Variants in CDK19 observed in about 807,000 individuals in gnomAD.
CDK19 encodes cyclin-dependent kinase 19.
A neutral mutation model predicts 68.3 loss-of-function variants in CDK19; 20 were observed. That is an observed-to-expected ratio of 0.29 (90% CI 0.21 to 0.43). The LOEUF (loss-of-function observed/expected upper bound fraction) is 0.43. Ranked by LOEUF, CDK19 falls within the 20% of genes least tolerant of loss-of-function variation. The pLI, the probability that CDK19 is intolerant of heterozygous loss-of-function variation, is 1.00. For synonymous variants in CDK19, 221 were observed against 222.8 expected, an observed-to-expected ratio of 0.99 and a Z score of 0.07; for missense variants, 339 against 623.5, an observed-to-expected ratio of 0.54 and a Z score of 4.86.
In CDK19 at chr6:110,671,770, T is replaced by C. The variant is rs571436844; in HGVS notation, c.205-1229A>G. ...AGAAAAATAAACTGCTTACCCATTC[T>C]AATAACTTTAGTAACTTTTTTTTTT... On this transcript the variant is annotated intron_variant, in intron 2 of 12. Coordinates refer to ENST00000368911, the MANE Select transcript of CDK19 (RefSeq NM_015076.5). Among the ~76,000 whole-genome samples, 156 of 152,232 alleles carry C rather than the reference T, an allele frequency of 1.0e-3. 1 individual carries two copies. The highest frequency in any genetic ancestry group is 3.6e-3 in the African/African-American group (151 of 41,536).
At chr6:110,808,520 G>A (rs968635750) in intron 1 of CDK19, among the ~76,000 whole-genome samples, 1 of 152,272 alleles carries the variant, frequency 6.6e-6, no homozygotes, top group African/African-American at 2.4e-5. Flanking sequence ...AGCCCAAAAG[G>A]CCTAAAATAT....
At chr6:110,620,995 A>T (rs1314410884) in intron 12 of CDK19, 109 bp downstream of exon 12, 33 of 1,028,464 alleles carry the variant, frequency 3.2e-5, no homozygotes, top group Middle Eastern at 2.4e-4. Flanking sequence ...TAGAAACAGG[A>T]TTGCACAGTC....
chr6:110,781,603 G>A (rs1250966025), intron 1 of CDK19, among the ~76,000 whole-genome samples: 1 of 152,092 alleles, frequency 6.6e-6, no homozygotes, highest in Non-Finnish European at 1.5e-5. Context: ...AGCACTTTGG[G>A]AGGCCAACAC....
chr6:110,808,880 T>C (rs1782866494), intron 1 of CDK19, among the ~76,000 whole-genome samples: 1 of 152,124 alleles, frequency 6.6e-6, no homozygotes, highest in Non-Finnish European at 1.5e-5. Context: ...CTCAAAAATA[T>C]GCCTATTTTC....
At chr6:110,796,709 G>GA (rs1183540278) in intron 1 of CDK19, among the ~76,000 whole-genome samples, 2 of 151,290 alleles carry the variant, frequency 1.3e-5, no homozygotes, top group East Asian at 2.0e-4. Flanking sequence ...TCAGCTGTGA[G>GA]AAAAAATATA....
In CDK19 at chr6:110,612,449, T is replaced by A. The variant is rs1778076874; in HGVS notation, c.*2086A>T. The A allele has an allele frequency of 6.6e-6, 1 of 152,592 alleles. No homozygotes were observed. The highest frequency in any genetic ancestry group is 1.5e-5 in the Non-Finnish European group (1 of 68,036). The allele number at this position is 152,592 out of a possible 1,614,324, so 9.5% of individuals were successfully genotyped here. A position where few individuals can be genotyped will look rare whatever the true frequency, so the allele number is the denominator to read the frequency against. On this transcript the variant is annotated 3_prime_UTR_variant, in exon 13 of 13. Coordinates refer to ENST00000368911, the MANE Select transcript of CDK19 (RefSeq NM_015076.5). ...GGTTTAGAAGTAAACAAAAAGACCTTCATATTATAAGACAGTTTCACTTGT... is the reference window on the plus strand; with the variant it reads ...GGTTTAGAAGTAAACAAAAAGACCTACATATTATAAGACAGTTTCACTTGT...
chr6:110,691,217 G>A (rs1009764413), intron 2 of CDK19, among the ~76,000 whole-genome samples: 1 of 152,170 alleles, frequency 6.6e-6, no homozygotes, highest in Admixed American at 6.5e-5. Context: ...GCTCACACCT[G>A]TAATCCCAGC....
At chr6:110,630,533 A>C (rs1008763864) in intron 6 of CDK19, among the ~76,000 whole-genome samples, 1 of 152,208 alleles carries the variant, frequency 6.6e-6, no homozygotes, top group Admixed American at 6.5e-5. Flanking sequence ...AGTCTCAAAA[A>C]TACAGCTCCA....
intron 4 of CDK19, among the ~76,000 whole-genome samples, chr6:110,662,256 C>T (rs1437551555): frequency 6.6e-6 from 1 of 152,184 alleles, no homozygotes; most frequent in Non-Finnish European, 1.5e-5. Flanking sequence ...ATGCATGAGC[C>T]ACCACACCTG....
At chr6:110,623,843 C>T (rs1364825359) in intron 8 of CDK19, among the ~76,000 whole-genome samples, 1 of 145,716 alleles carries the variant, frequency 6.9e-6, no homozygotes, top group African/African-American at 2.5e-5. Flanking sequence ...TATATATACA[C>T]ATATATACAT....
Position 110,721,113 on chromosome 6 carries a change from G to A in CDK19, c.204+25013C>T, listed in dbSNP as rs189891027. Among the ~76,000 whole-genome samples, 634 of 151,060 alleles carry A rather than the reference G, an allele frequency of 4.2e-3. 3 individuals carry two copies. The highest frequency in any genetic ancestry group is 6.8e-3 in the Non-Finnish European group (459 of 67,758). ...AAATTAGCTGGTCGTGGTGACAGGC[G>A]CCTGTAGTCCCAGCTACTCAGGAGG... On this transcript the variant is annotated intron_variant, in intron 2 of 12. Coordinates refer to ENST00000368911, the MANE Select transcript of CDK19 (RefSeq NM_015076.5).
intron 1 of CDK19, among the ~76,000 whole-genome samples, chr6:110,755,321 T>C (rs1583028667): frequency 6.6e-6 from 1 of 152,080 alleles, no homozygotes; most frequent in South Asian, 2.1e-4. Context: ...ATTATAGGCG[T>C]GAGCCACCAT....
chr6:110,800,144 T>C (rs776654618), intron 1 of CDK19, among the ~76,000 whole-genome samples: 17 of 152,166 alleles, frequency 1.1e-4, no homozygotes, highest in Non-Finnish European at 2.4e-4. Flanking sequence ...CAAACATTAT[T>C]ACAAACATTA....
intron 2 of CDK19, among the ~76,000 whole-genome samples, chr6:110,742,664 T>G (rs1168052365): frequency 6.6e-6 from 1 of 151,700 alleles, no homozygotes; most frequent in Non-Finnish European, 1.5e-5. Context: ...ACTCTGGGAG[T>G]GTCTGTCTTA....
intron 1 of CDK19, among the ~76,000 whole-genome samples, chr6:110,804,108 T>C (rs1186031375): frequency 2.0e-5 from 3 of 152,150 alleles, no homozygotes; most frequent in Non-Finnish European, 4.4e-5. Context: ...AGCAAAACAC[T>C]TTGCCATGAA....
chr6:110,628,598 T>C (rs964194375), intron 6 of CDK19, among the ~76,000 whole-genome samples: 3 of 152,188 alleles, frequency 2.0e-5, no homozygotes, highest in African/African-American at 7.2e-5. Flanking sequence ...AAACATAGTA[T>C]ATACAGGGTT....
chr6:110,668,769 T>C (rs973246446), intron 3 of CDK19, among the ~76,000 whole-genome samples: 3 of 151,112 alleles, frequency 2.0e-5, no homozygotes, highest in African/African-American at 7.3e-5. Context: ...AAGGCGGAGG[T>C]TGCAGTGAGC....
intron 1 of CDK19, 173 bp downstream of exon 1, chr6:110,814,836 G>T: frequency 1.2e-6 from 1 of 836,570 alleles, no homozygotes; most frequent in Non-Finnish European, 1.9e-6. Context: ...GGGCCGCGCG[G>T]GGGAGGCGGG....
At chr6:110,703,649 T>C (rs910282387) in intron 2 of CDK19, among the ~76,000 whole-genome samples, 1 of 152,010 alleles carries the variant, frequency 6.6e-6, no homozygotes, top group African/African-American at 2.4e-5. Context: ...AAACCAGCCT[T>C]GACAACACAG....
Sources: gnomAD v4.1 joint callset for allele counts (sites outside exome capture counted in the v4.1 genomes callset) on GRCh38, gnomAD v4.1.1 for gene constraint, MANE v1.5 for transcripts, NCBI Gene and HGNC (gene_info 2026-07-23, HGNC 2026-07-21) for gene names.